The following C10orf90 variants were observed in gnomAD, a reference collection of about 807,000 sequenced individuals.
The protein encoded by C10orf90 is chromosome 10 open reading frame 90, also known as (E2-independent) E3 ubiquitin-conjugating enzyme FATS.
Under a neutral mutation model 62.5 loss-of-function variants are expected in C10orf90, and 56 were observed. The ratio of observed to expected loss-of-function variants is 0.90; its 90% CI spans 0.72 to 1.12. The LOEUF (loss-of-function observed/expected upper bound fraction) is 1.12. Among genes scored for constraint, C10orf90 ranks in the 50% most tolerant of loss-of-function variants. C10orf90 has a pLI of 0.00. For missense variants in C10orf90, 970 were observed against 880.4 expected, an observed-to-expected ratio of 1.10 and a Z score of -1.29; for synonymous variants, 386 against 340.4, an observed-to-expected ratio of 1.13 and a Z score of -1.47.
chr10:126,439,072 C>T (rs1858126835), intron 7 of C10orf90, among the ~76,000 whole-genome samples: 2 of 152,094 alleles, frequency 1.3e-5, no homozygotes, highest in African/African-American at 4.8e-5. Flanking sequence ...CAAGAGAAAC[C>T]CCCTTGGCCA....
At chr10:126,444,487 G>A (rs1858611410) in intron 7 of C10orf90, among the ~76,000 whole-genome samples, 1 of 151,950 alleles carries the variant, frequency 6.6e-6, no homozygotes, top group African/African-American at 2.4e-5. Context: ...ACCTCTACAA[G>A]GAAAACTACA....
intron 2 of C10orf90, among the ~76,000 whole-genome samples, chr10:126,621,701 C>T (rs1306346601): frequency 6.6e-6 from 1 of 152,192 alleles, no homozygotes; most frequent in African/African-American, 2.4e-5. Context: ...TTCAGTCTGA[C>T]AATCTTATGG....
At chr10:126,531,916 C>A (rs1345253108) in intron 2 of C10orf90, among the ~76,000 whole-genome samples, 1 of 151,968 alleles carries the variant, frequency 6.6e-6, no homozygotes, top group African/African-American at 2.4e-5. Context: ...TATAATGAAC[C>A]CCTACAATTT....
intron 4 of C10orf90, among the ~76,000 whole-genome samples, chr10:126,474,384 C>G (rs186039634): frequency 4.3e-4 from 66 of 152,270 alleles, no homozygotes; most frequent in East Asian, 1.4e-3. Flanking sequence ...GCAATCCCAT[C>G]AGGTTCCCAG....
intron 7 of C10orf90, among the ~76,000 whole-genome samples, chr10:126,430,589 A>G (rs1336690059): frequency 6.6e-6 from 1 of 152,194 alleles, no homozygotes; most frequent in Non-Finnish European, 1.5e-5. Context: ...ACACTTGGCC[A>G]TGTAGATTAA....
chr10:126,564,592 C>G (rs1844258482), intron 2 of C10orf90, among the ~76,000 whole-genome samples: 1 of 150,304 alleles, frequency 6.7e-6, no homozygotes, highest in African/African-American at 2.5e-5. Context: ...TGGAGAAGTT[C>G]CCAGATTGAA....
intron 2 of C10orf90, among the ~76,000 whole-genome samples, chr10:126,638,215 C>T (rs1011106144): frequency 2.0e-5 from 3 of 152,156 alleles, no homozygotes; most frequent in African/African-American, 7.2e-5. Flanking sequence ...GAATTCATGA[C>T]TTGGATCTGA....
chr10:126,632,264 G>A (rs1021713171), intron 2 of C10orf90, among the ~76,000 whole-genome samples: 1 of 151,910 alleles, frequency 6.6e-6, no homozygotes, highest in African/African-American at 2.4e-5. Flanking sequence ...CTGCAGCAAG[G>A]AGGGTGACAC....
intron 2 of C10orf90, among the ~76,000 whole-genome samples, chr10:126,535,374 G>T (rs538011402): frequency 2.6e-5 from 4 of 152,108 alleles, no homozygotes; most frequent in Admixed American, 2.6e-4. Context: ...AAAATTAGCT[G>T]GGTGTGGTGG....
chr10:126,442,662 T>C (rs1299117267), intron 7 of C10orf90, among the ~76,000 whole-genome samples: 5 of 56,676 alleles, frequency 8.8e-5, no homozygotes, highest in Admixed American at 2.0e-4. Flanking sequence ...TATATATATA[T>C]ATATATATAT....
intron 2 of C10orf90, among the ~76,000 whole-genome samples, chr10:126,600,112 C>A (rs1221762298): frequency 6.7e-6 from 1 of 148,456 alleles, no homozygotes; most frequent in East Asian, 1.9e-4. Flanking sequence ...TGCGTGCATG[C>A]GTGTGCACGC....
chr10:126,497,776 T>C lies in C10orf90; in HGVS notation c.1534+6181A>G, dbSNP rs74989926. On this transcript the variant is annotated intron_variant, in intron 4 of 9. Transcript: ENST00000488181. ...ACTACTCAACTTTGCTGTTGCAGTATGAAAGCAGCCACAGAACAATGCATA... is the reference window on the plus strand; with the variant it reads ...ACTACTCAACTTTGCTGTTGCAGTACGAAAGCAGCCACAGAACAATGCATA... 7.5e-3 allele frequency among the ~76,000 whole-genome samples: 1,142 copies of C among 152,328 alleles called. 19 individuals carry two copies. Among genetic ancestry groups the C allele is most frequent in the African/African-American group, 0.025 (1,057 of 41,556 alleles).
intron 1 of C10orf90, among the ~76,000 whole-genome samples, chr10:126,664,403 T>C (rs930992625): frequency 6.6e-6 from 1 of 152,118 alleles, no homozygotes; most frequent in African/African-American, 2.4e-5. Flanking sequence ...ACTTAACCCT[T>C]TATATAGGTT....
intron 4 of C10orf90, among the ~76,000 whole-genome samples, chr10:126,498,785 A>T (rs1230564307): frequency 1.3e-5 from 2 of 152,222 alleles, no homozygotes; most frequent in Non-Finnish European, 2.9e-5. Context: ...GCAACTCAGA[A>T]TAACCTTGAA....
chr10:126,638,441 C>T (rs1284118728), intron 2 of C10orf90, among the ~76,000 whole-genome samples: 1 of 152,104 alleles, frequency 6.6e-6, no homozygotes, highest in Non-Finnish European at 1.5e-5. Context: ...TCTCACCATG[C>T]CCCTAGGAGC....
chr10:126,447,412 T>A (rs901772912), intron 7 of C10orf90, among the ~76,000 whole-genome samples: 3 of 152,134 alleles, frequency 2.0e-5, no homozygotes, highest in African/African-American at 7.2e-5. Context: ...AAATAGACTT[T>A]AAGTCCAAAA....
At chr10:126,600,053 C>G (rs1845166248) in intron 2 of C10orf90, among the ~76,000 whole-genome samples, 1 of 152,252 alleles carries the variant, frequency 6.6e-6, no homozygotes, top group Admixed American at 6.5e-5. Flanking sequence ...GCAGAGAGGG[C>G]TCAGTTAATG....
intron 5 of C10orf90, among the ~76,000 whole-genome samples, chr10:126,461,809 A>T (rs146385595): frequency 6.6e-6 from 1 of 152,242 alleles, no homozygotes; most frequent in East Asian, 1.9e-4. Context: ...CCAGCTAATT[A>T]TGCCAGGGAG....
rs1206967887 is a variant in C10orf90, at chr10:126,453,091, C to A, written c.2188+5949G>T. ...AATTAATTTTAATACTTGCTCCAAC[C>A]AAGAATCATCAGGGAAAGAAGATTT... On this transcript the variant is annotated intron_variant, in intron 7 of 9. Coordinates refer to ENST00000488181, the MANE Select transcript of C10orf90 (RefSeq NM_001350921.2). The surrounding 1 kb of genome is among the most constrained non-coding windows in gnomAD (Gnocchi z 4.9). Among the ~76,000 whole-genome samples, 1 of 152,184 alleles carries A rather than the reference C, an allele frequency of 6.6e-6. No homozygotes were observed. The highest frequency in any genetic ancestry group is 1.5e-5 in the Non-Finnish European group (1 of 68,044).
Sources: allele counts gnomAD v4.1 joint callset (sites outside exome capture counted in the v4.1 genomes callset), GRCh38; gene constraint gnomAD v4.1.1; non-coding constraint Gnocchi (gnomAD v3.1); transcripts MANE v1.5; gene names NCBI Gene and HGNC (gene_info 2026-07-23, HGNC 2026-07-21).